The following IQSEC1 variants were observed in gnomAD, a reference collection of about 807,000 sequenced individuals.
IQSEC1 encodes the protein IQ motif and SEC7 domain-containing protein 1.
Under a neutral mutation model 91.0 loss-of-function variants are expected in IQSEC1, and 31 were observed. That is an observed-to-expected ratio of 0.34 (90% confidence interval 0.26 to 0.46). The LOEUF (loss-of-function observed/expected upper bound fraction) is 0.46. Ranked by LOEUF, IQSEC1 falls within the 20% of genes least tolerant of loss-of-function variation. The probability of loss-of-function intolerance (pLI) is 1.00; values close to 1 mark genes in which losing one functional copy is unlikely to be tolerated. For synonymous variants in IQSEC1, 699 were observed against 662.6 expected (o/e 1.05, Z -0.84); for missense variants, 1,388 against 1,575.6 (o/e 0.88, Z 2.02).
chr3:13,051,329 T>C (rs1167275454), intron 1 of IQSEC1, among the ~76,000 whole-genome samples: 2 of 152,212 alleles, frequency 1.3e-5, no homozygotes, highest in African/African-American at 2.4e-5. Context: ...AACCAACTGG[T>C]TGCCCCAGGC....
intron 1 of IQSEC1, among the ~76,000 whole-genome samples, chr3:13,194,877 T>A (rs1259062033): frequency 6.6e-6 from 1 of 151,982 alleles, no homozygotes; most frequent in Non-Finnish European, 1.5e-5. Context: ...AAATGGAAAA[T>A]GTCAATCCAC....
intron 1 of IQSEC1, among the ~76,000 whole-genome samples, chr3:12,950,306 G>A (rs188164447): frequency 6.6e-6 from 1 of 152,292 alleles, no homozygotes; most frequent in East Asian, 1.9e-4. Flanking sequence ...AGTTAGCCTG[G>A]CCCCAAGGAG....
Position 12,922,003 on chromosome 3 carries a change from G to C in IQSEC1, c.1853+117C>G, listed in dbSNP as rs527501660. 5.0e-4 allele frequency: 640 copies of C among 1,272,542 alleles called. 6 individuals are homozygous for C. In the African/African-American group the frequency reaches 9.2e-3, roughly 18 times the overall value. The allele number at this position is 1,272,542 out of a possible 1,614,324, so 78.8% of individuals were successfully genotyped here. A position where few individuals can be genotyped will look rare whatever the true frequency, so the allele number is the denominator to read the frequency against. On this transcript the variant is annotated intron_variant, in intron 5 of 13. Coordinates refer to ENST00000613206, the MANE Select transcript of IQSEC1 (RefSeq NM_001134382.3). This position sits in a 1 kb window ranked among gnomAD's most constrained non-coding sequence, Gnocchi z 5.1. ...GATCACCCCCAAAGCAACATTCAGG[G>C]ACACCTGGCCCTGTCTAGGGATGGT...
intron 2 of IQSEC1, among the ~76,000 whole-genome samples, chr3:13,134,690 G>A (rs1025799905): frequency 5.9e-5 from 9 of 152,228 alleles, no homozygotes; most frequent in African/African-American, 2.2e-4. Context: ...AGGAAGCAGG[G>A]TCTACCCAGG....
At chr3:12,916,252 G>C (rs981475248) in intron 6 of IQSEC1, among the ~76,000 whole-genome samples, 4 of 152,204 alleles carry the variant, frequency 2.6e-5, no homozygotes, top group Non-Finnish European at 5.9e-5. Context: ...GCACAGGCTT[G>C]TTGTGAGGAA....
chr3:13,089,957 T>C (rs1705808542), intron 2 of IQSEC1, among the ~76,000 whole-genome samples: 1 of 152,260 alleles, frequency 6.6e-6, no homozygotes, highest in Admixed American at 6.5e-5. Context: ...GGCTCACGCC[T>C]GTAATCCCAG....
At chr3:12,943,383 G>A (rs974407900) in intron 1 of IQSEC1, among the ~76,000 whole-genome samples, 1 of 152,196 alleles carries the variant, frequency 6.6e-6, no homozygotes, top group Non-Finnish European at 1.5e-5. Flanking sequence ...GCTGGTTTCC[G>A]CTGCAGGTGG....
chr3:13,083,951 C>G (rs1219383825), intron 2 of IQSEC1, among the ~76,000 whole-genome samples: 2 of 152,214 alleles, frequency 1.3e-5, no homozygotes, highest in Admixed American at 6.5e-5. Context: ...AGTGAGAGAG[C>G]CTTCCCCCCA....
At chr3:13,049,422 A>G (rs1241134595) in intron 1 of IQSEC1, among the ~76,000 whole-genome samples, 1 of 152,172 alleles carries the variant, frequency 6.6e-6, no homozygotes, top group African/African-American at 2.4e-5. Flanking sequence ...CACCTACTGC[A>G]GGGAGCCCAC....
intron 1 of IQSEC1, among the ~76,000 whole-genome samples, chr3:12,962,717 C>T (rs1226657953): frequency 6.6e-6 from 1 of 152,244 alleles, no homozygotes; most frequent in East Asian, 1.9e-4. Context: ...GGGCTGCGCA[C>T]AGCACACAAG....
At chr3:13,087,095 G>C (rs1705749359) in intron 2 of IQSEC1, among the ~76,000 whole-genome samples, 1 of 152,198 alleles carries the variant, frequency 6.6e-6, no homozygotes, top group African/African-American at 2.4e-5. Flanking sequence ...TATTTCACAT[G>C]CCACACCCTT....
chr3:13,172,234 C>A (rs114278868), intron 1 of IQSEC1, among the ~76,000 whole-genome samples: 4,108 of 152,342 alleles, frequency 0.027, 75 homozygotes, highest in Non-Finnish European at 0.04. Flanking sequence ...GGCCTCCATC[C>A]TGCCATGGTT....
intron 1 of IQSEC1, among the ~76,000 whole-genome samples, chr3:13,181,786 GAT>G (rs2125018943): frequency 6.6e-6 from 1 of 152,300 alleles, no homozygotes; most frequent in African/African-American, 2.4e-5. Flanking sequence ...TTTTCTTTTG[GAT>G]ATGTTTTGAG....
chr3:13,196,686 C>A (rs1694132231), intron 1 of IQSEC1, among the ~76,000 whole-genome samples: 1 of 152,106 alleles, frequency 6.6e-6, no homozygotes, highest in Non-Finnish European at 1.5e-5. Flanking sequence ...AAAGGTAAAT[C>A]TTTCAGTGAA....
At chr3:12,954,630 C>T (rs1699781891) in intron 1 of IQSEC1, among the ~76,000 whole-genome samples, 1 of 152,222 alleles carries the variant, frequency 6.6e-6, no homozygotes, top group African/African-American at 2.4e-5. Context: ...ATCTTTTATC[C>T]TGCTTTTTTA....
At chr3:13,064,678 A>T (rs1245042256) in intron 1 of IQSEC1, among the ~76,000 whole-genome samples, 1 of 152,254 alleles carries the variant, frequency 6.6e-6, no homozygotes, top group Non-Finnish European at 1.5e-5. Flanking sequence ...GAGCAGTTGC[A>T]TTCCTGGAAA....
At chr3:12,951,259 C>A (rs1489135359) in intron 1 of IQSEC1, among the ~76,000 whole-genome samples, 1 of 152,172 alleles carries the variant, frequency 6.6e-6, no homozygotes, top group African/African-American at 2.4e-5. Flanking sequence ...TCTGTCTCTA[C>A]TAAAAATACA....
intron 2 of IQSEC1, among the ~76,000 whole-genome samples, chr3:13,079,387 G>A (rs1180490642): frequency 1.3e-5 from 2 of 152,260 alleles, no homozygotes; most frequent in African/African-American, 4.8e-5. Context: ...GAGGAAGGGA[G>A]CAGCATGCCT....
chr3:13,114,948 A>T (rs1463355293), intron 2 of IQSEC1, among the ~76,000 whole-genome samples: 2 of 152,110 alleles, frequency 1.3e-5, no homozygotes, highest in Non-Finnish European at 2.9e-5. Flanking sequence ...GGTTCAGGAG[A>T]GGCTGAGCAG....
Sources: allele counts gnomAD v4.1 joint callset (sites outside exome capture counted in the v4.1 genomes callset), GRCh38; gene constraint gnomAD v4.1.1; non-coding constraint Gnocchi (gnomAD v3.1); transcripts MANE v1.5; gene names NCBI Gene and HGNC (gene_info 2026-07-23, HGNC 2026-07-21).